Variants in PLEKHA5 observed in about 807,000 individuals in gnomAD.
PLEKHA5 encodes pleckstrin homology domain-containing family A member 5.
A neutral mutation model predicts 181.9 loss-of-function variants in PLEKHA5; 55 were observed. The ratio of observed to expected loss-of-function variants is 0.30; its 90% CI spans 0.24 to 0.38. PLEKHA5 has a LOEUF of 0.38. Among genes scored for constraint, PLEKHA5 ranks in the 10% least tolerant of loss-of-function variants. The pLI, the probability that PLEKHA5 is intolerant of heterozygous loss-of-function variation, is 1.00. For synonymous variants in PLEKHA5, 535 were observed against 529.4 expected (o/e 1.01, Z -0.15); for missense variants, 1,432 against 1,549.5 (o/e 0.92, Z 1.27).
chr12:19,313,042 G>A (rs971141387), intron 15 of PLEKHA5, among the ~76,000 whole-genome samples: 15 of 152,108 alleles, frequency 9.9e-5, no homozygotes, highest in Non-Finnish European at 1.6e-4. Context: ...AGAGAGATGG[G>A]ATAACGGCTG....
chr12:19,196,688 A>C (rs574693103), intron 3 of PLEKHA5, among the ~76,000 whole-genome samples: 1 of 152,320 alleles, frequency 6.6e-6, no homozygotes, highest in East Asian at 1.9e-4. Context: ...CTGTACAAAC[A>C]AAAGATTATT....
chr12:19,172,378 A>G (rs1256067778), intron 3 of PLEKHA5, among the ~76,000 whole-genome samples: 2 of 147,550 alleles, frequency 1.4e-5, no homozygotes, highest in African/African-American at 4.9e-5. Flanking sequence ...CTATATTTGC[A>G]GTTCATATAT....
At chr12:19,186,225 G>A (rs1270209931) in intron 3 of PLEKHA5, among the ~76,000 whole-genome samples, 2 of 152,160 alleles carry the variant, frequency 1.3e-5, no homozygotes, top group Non-Finnish European at 2.9e-5. Flanking sequence ...AGAAAATGAC[G>A]ATATATAGAA....
At chr12:19,253,791 A>G (rs894213236) in intron 3 of PLEKHA5, 149 bp from the exon 4 acceptor site, 29 of 623,686 alleles carry the variant, frequency 4.6e-5, no homozygotes, top group Non-Finnish European at 6.5e-5. Context: ...TTGCACTCCA[A>G]CCTGGGCGAC....
intron 20 of PLEKHA5, among the ~76,000 whole-genome samples, chr12:19,330,269 A>G (rs2153087379): frequency 6.6e-6 from 1 of 152,336 alleles, no homozygotes; most frequent in East Asian, 1.9e-4. Context: ...AACAATTACA[A>G]ATAGCTAAAA....
chr12:19,221,928 A>G, intron 3 of PLEKHA5, among the ~76,000 whole-genome samples: 1 of 152,128 alleles, frequency 6.6e-6, no homozygotes, highest in East Asian at 1.9e-4. Flanking sequence ...GGTGAAACCT[A>G]AGGGAATCTG....
At chr12:19,201,665 G>A (rs1346301480) in intron 3 of PLEKHA5, 1 of 152,016 alleles carries the variant, frequency 6.6e-6, no homozygotes, top group Non-Finnish European at 1.5e-5. Context: ...AATGGTATAC[G>A]ATGACTGAAC....
intron 15 of PLEKHA5, among the ~76,000 whole-genome samples, chr12:19,314,175 C>T (rs541435035): frequency 6.6e-6 from 1 of 152,142 alleles, no homozygotes; most frequent in South Asian, 2.1e-4. Flanking sequence ...AGCTTGGTTT[C>T]AGACTACCTT....
rs900734262 is a variant in PLEKHA5, at chr12:19,136,130, C to G, written c.227+3680C>G. Among the ~76,000 whole-genome samples, 3 of 152,102 alleles carry G rather than the reference C, an allele frequency of 2.0e-5. No individual in the cohort carries two copies. In the East Asian group the frequency reaches 5.8e-4, roughly 29 times the overall value. Reference sequence around the variant, plus strand: ...TGAACTCCTAGGCTCACGCAATCCTCCTGCCTTGGTCCCCGAAAATGGGGG... The same window carrying G: ...TGAACTCCTAGGCTCACGCAATCCTGCTGCCTTGGTCCCCGAAAATGGGGG... On this transcript the variant is annotated intron_variant, in intron 3 of 31. Transcript: ENST00000429027.
chr12:19,131,565 C>A (rs1333245193), intron 2 of PLEKHA5, among the ~76,000 whole-genome samples: 1 of 152,050 alleles, frequency 6.6e-6, no homozygotes, highest in Non-Finnish European at 1.5e-5. Flanking sequence ...ATTATTTAGA[C>A]TAATTATCCT....
At chr12:19,340,432 A>ACTGGGAAGTGAGGAGCCCCTCTGCCCGG (rs2093789698) in intron 21 of PLEKHA5, among the ~76,000 whole-genome samples, 1 of 42,364 alleles carries the variant, frequency 2.4e-5, no homozygotes, top group Non-Finnish European at 9.4e-5. Context: ...CTGCCCGGCC[A>ACTGGGAAGTGAGGAGCCCCTCTGCCCGG]CCACCCCGTC....
chr12:19,269,014 A>G (rs2071570304), intron 8 of PLEKHA5, among the ~76,000 whole-genome samples: 1 of 152,144 alleles, frequency 6.6e-6, no homozygotes, highest in South Asian at 2.1e-4. Flanking sequence ...CAGGAGGGAA[A>G]TGCCATAACA....
chr12:19,205,005 T>C (rs1442926784), intron 3 of PLEKHA5, among the ~76,000 whole-genome samples: 1 of 152,146 alleles, frequency 6.6e-6, no homozygotes, highest in East Asian at 1.9e-4. Context: ...GGGATTCTTA[T>C]GTTGACATAG....
intron 11 of PLEKHA5, among the ~76,000 whole-genome samples, chr12:19,281,894 G>C (rs2076256913): frequency 6.6e-6 from 1 of 151,920 alleles, no homozygotes. Context: ...CCATTCTCCT[G>C]CCTCAGCCTC....
At chr12:19,231,257 C>A (rs1240690306) in intron 3 of PLEKHA5, among the ~76,000 whole-genome samples, 1 of 151,784 alleles carries the variant, frequency 6.6e-6, no homozygotes, top group African/African-American at 2.4e-5. Context: ...CATGTATCTT[C>A]CAAGCAGATG....
chr12:19,288,077 C>CAAAAAAAAAAAAA, intron 13 of PLEKHA5: 1 of 172,994 alleles, frequency 5.8e-6, no homozygotes. Context: ...GACTCTGTCT[C>CAAAAAAAAAAAAA]AAAAAAAAAA....
At chr12:19,314,917 A>T (rs1201126145) in intron 16 of PLEKHA5, 23 bp downstream of exon 16, 1 of 1,258,430 alleles carries the variant, frequency 7.9e-7, no homozygotes, top group Non-Finnish European at 1.1e-6. Context: ...ACAGTGAATG[A>T]TACTGCTTTA....
intron 3 of PLEKHA5, among the ~76,000 whole-genome samples, chr12:19,232,980 G>A (rs1051766815): frequency 6.6e-6 from 1 of 152,052 alleles, no homozygotes. Flanking sequence ...AAGTTCATGG[G>A]ATATTTGAAA....
intron 30 of PLEKHA5, among the ~76,000 whole-genome samples, chr12:19,366,884 A>G (rs753612490): frequency 6.6e-5 from 10 of 151,654 alleles, no homozygotes; most frequent in Non-Finnish European, 1.5e-4. Flanking sequence ...TCTGTGCTCT[A>G]TTCTCTCATA....
Sources: gnomAD v4.1 joint callset for allele counts (sites outside exome capture counted in the v4.1 genomes callset) on GRCh38, gnomAD v4.1.1 for gene constraint, MANE v1.5 for transcripts, NCBI Gene and HGNC (gene_info 2026-07-23, HGNC 2026-07-21) for gene names.